The following LDHAL6A variants were observed in gnomAD, a reference collection of about 807,000 sequenced individuals.
LDHAL6A encodes lactate dehydrogenase A like 6A.
LDHAL6A carries 19 observed loss-of-function variants against 28.2 expected under a neutral mutation model. That is an observed-to-expected ratio of 0.67 (90% CI 0.47 to 0.99). The LOEUF is 0.99. Among genes scored for constraint, LDHAL6A ranks in the 50% least tolerant of loss-of-function variants. LDHAL6A has a pLI of 0.00. For synonymous variants in LDHAL6A, 144 were observed against 134.4 expected (o/e 1.07, Z -0.49); for missense variants, 372 against 398.6 (o/e 0.93, Z 0.57).
intron 1 of LDHAL6A, among the ~76,000 whole-genome samples, chr11:18,462,611 T>C (rs1175278133): frequency 2.1e-5 from 3 of 139,976 alleles, no homozygotes; most frequent in African/African-American, 8.5e-5. Context: ...CACTCCAGCC[T>C]GGGCAACAGA....
intron 3 of LDHAL6A, among the ~76,000 whole-genome samples, chr11:18,472,052 A>C (rs1348158930): frequency 6.6e-6 from 1 of 152,186 alleles, no homozygotes; most frequent in African/African-American, 2.4e-5. Flanking sequence ...TCAAATCTAT[A>C]GTCATTTACC....
At chr11:18,468,192 C>T (rs374179750) in intron 3 of LDHAL6A, 1 of 149,762 alleles carries the variant, frequency 6.7e-6, no homozygotes, top group East Asian at 2.0e-4. Context: ...CATTTTGGTT[C>T]TTTTGTATTT....
chr11:18,474,524 C>T (rs1849324929), intron 3 of LDHAL6A, among the ~76,000 whole-genome samples: 1 of 151,106 alleles, frequency 6.6e-6, no homozygotes, highest in Admixed American at 6.6e-5. Context: ...ATAGCTGGGA[C>T]TACAGGCGCG....
At chr11:18,461,961 G>C (rs1258049300) in intron 1 of LDHAL6A, among the ~76,000 whole-genome samples, 3 of 151,906 alleles carry the variant, frequency 2.0e-5, no homozygotes, top group African/African-American at 7.3e-5. Context: ...GACCAGCCTG[G>C]GCAACATGGT....
At chr11:18,464,977 G>GTTTTTTTTGTTTTTTTTTTTTTTTTTTTT (rs1849016188) in intron 2 of LDHAL6A, among the ~76,000 whole-genome samples, 5 of 125,490 alleles carry the variant, frequency 4.0e-5, no homozygotes, top group African/African-American at 3.4e-5. Context: ...TGTTTTTTTT[G>GTTTTTTTTGTTTTTTTTTTTTTTTTTTTT]TTTTTTTTTG....
intron 3 of LDHAL6A, among the ~76,000 whole-genome samples, chr11:18,466,874 G>A (rs1420365994): frequency 6.6e-6 from 1 of 152,148 alleles, no homozygotes; most frequent in Non-Finnish European, 1.5e-5. Flanking sequence ...GAGATAAAAT[G>A]TGCAGGACTG....
chr11:18,462,627 A>G (rs1848948961), intron 1 of LDHAL6A, among the ~76,000 whole-genome samples: 1 of 134,092 alleles, frequency 7.5e-6, no homozygotes, highest in Non-Finnish European at 1.5e-5. Context: ...ACAGAGCAAG[A>G]CTCTGTCTCA....
chr11:18,477,711 A>AG lies in LDHAL6A; in HGVS notation c.804dup (p.Arg269GlufsTer10). On this transcript the variant is annotated frameshift_variant, in exon 6 of 7. Coordinates refer to ENST00000280706, the MANE Select transcript of LDHAL6A (RefSeq NM_144972.5). LOFTEE classifies it low-confidence loss of function (END_TRUNC). ...AACAGAAAGTATTTTGAAGAATCTT[A>AG]GGAGAGTGCATCCAGTTTCTACCCT... 6.2e-7 allele frequency: 1 copy of AG among 1,611,124 alleles called. No homozygotes were observed. The highest frequency in any genetic ancestry group is 8.5e-7 in the Non-Finnish European group (1 of 1,179,360).
chr11:18,476,565 TTGAGA>T (rs1200615979), intron 5 of LDHAL6A, 64 bp downstream of exon 5: 3 of 1,566,554 alleles, frequency 1.9e-6, no homozygotes, highest in African/African-American at 1.4e-5. Flanking sequence ...TGTTAGAAGG[TTGAGA>T]TTAGTCCCTT....
intron 5 of LDHAL6A, among the ~76,000 whole-genome samples, chr11:18,477,295 C>T (rs1053581659): frequency 2.6e-5 from 4 of 151,994 alleles, no homozygotes; most frequent in African/African-American, 4.8e-5. Flanking sequence ...CCCGTCTCTA[C>T]TAAAAATACA....
At chr11:18,457,256 C>A (rs551729928) in intron 1 of LDHAL6A, among the ~76,000 whole-genome samples, 1 of 152,014 alleles carries the variant, frequency 6.6e-6, no homozygotes, top group Non-Finnish European at 1.5e-5. Context: ...GTTCCTTATT[C>A]ATGTTAGGTT....
At chr11:18,468,337 T>G (rs900403460) in intron 3 of LDHAL6A, 2 of 149,192 alleles carry the variant, frequency 1.3e-5, no homozygotes, top group African/African-American at 2.5e-5. Context: ...ATGTATAGGT[T>G]TTTTTTTTTT....
In LDHAL6A at chr11:18,456,653, A is replaced by C; in HGVS notation, c.-28A>C. ...TTCCAGGTCTTGGAAATGGCTGTGC[A>C]ATTTGTCTTCACTGTTAGGTTTCCA... On this transcript the variant is annotated 5_prime_UTR_variant, in exon 1 of 7. Coordinates refer to ENST00000280706, the MANE Select transcript of LDHAL6A (RefSeq NM_144972.5). The C allele has an allele frequency of 2.5e-6, 4 of 1,611,530 alleles. No homozygotes were observed. Among genetic ancestry groups the C allele is most frequent in the Non-Finnish European group, 3.4e-6 (4 of 1,178,446 alleles).
Position 18,464,987 on chromosome 11 carries a change from G to GT in LDHAL6A, c.245-646dup, listed in dbSNP as rs1449560278. On this transcript the variant is annotated intron_variant, in intron 2 of 6. Coordinates refer to ENST00000280706, the MANE Select transcript of LDHAL6A (RefSeq NM_144972.5). Reference sequence around the variant, plus strand: ...TGAGGTGTTTTTTTTGTTTTTTTTTGTTTTGTTTTGTTTTGGTTTGTTTTT... The same window carrying GT: ...TGAGGTGTTTTTTTTGTTTTTTTTTGTTTTTGTTTTGTTTTGGTTTGTTTTT... 8.6e-5 allele frequency among the ~76,000 whole-genome samples: 9 copies of GT among 104,374 alleles called. 1 individual carries two copies. Among genetic ancestry groups the GT allele is most frequent in the East Asian group, 5.1e-4 (2 of 3,886 alleles). 68.5% of individuals were successfully genotyped at this position (104,374 alleles called of 152,430 possible). A position where few individuals can be genotyped will look rare whatever the true frequency, so the allele number is the denominator to read the frequency against.
At chr11:18,464,865 A>G (rs899095941) in intron 2 of LDHAL6A, among the ~76,000 whole-genome samples, 2 of 152,152 alleles carry the variant, frequency 1.3e-5, no homozygotes, top group Non-Finnish European at 2.9e-5. Flanking sequence ...TGCTATTCAA[A>G]GGTCTGTTCA....
In LDHAL6A at chr11:18,462,494, A is replaced by G. The variant is rs903899775; in HGVS notation, c.127-1467A>G. On this transcript the variant is annotated intron_variant, in intron 1 of 6. Coordinates refer to ENST00000280706, the MANE Select transcript of LDHAL6A (RefSeq NM_144972.5). ...CTACTAAAAATACAAAAAATTAGCC[A>G]GGTGTGGTGGCGGGCGCCTGTAGTC... Among the ~76,000 whole-genome samples the G allele has an allele frequency of 3.2e-4, 48 of 151,412 alleles. 2 individuals carry two copies. Among genetic ancestry groups the G allele is most frequent in the East Asian group, 9.8e-4 (5 of 5,128 alleles).
chr11:18,462,401 GCA>G (rs1411370292), intron 1 of LDHAL6A, among the ~76,000 whole-genome samples: 8 of 151,900 alleles, frequency 5.3e-5, no homozygotes, highest in Non-Finnish European at 1.5e-5. Context: ...ACTTTGGGAG[GCA>G]GAGGCGGGCG....
chr11:18,467,878 CACATATATATATATATATATATATAT>C (rs1590253550), intron 3 of LDHAL6A, among the ~76,000 whole-genome samples: 36 of 36,322 alleles, frequency 9.9e-4, no homozygotes, highest in East Asian at 3.5e-3. Context: ...TATATATACA[CACATATATATATATATATATATATAT>C]ATATATATAT....
intron 3 of LDHAL6A, chr11:18,475,187 AAG>A: frequency 6.9e-6 from 2 of 290,610 alleles, no homozygotes; most frequent in Non-Finnish European, 1.3e-5. Flanking sequence ...AAGACTTGAT[AAG>A]AGAGTATTTG....
Sources: allele counts gnomAD v4.1 joint callset (sites outside exome capture counted in the v4.1 genomes callset), GRCh38; gene constraint gnomAD v4.1.1; transcripts MANE v1.5; gene names NCBI Gene and HGNC (gene_info 2026-07-23, HGNC 2026-07-21).